The following LCOR variants were observed in gnomAD, a reference collection of about 807,000 sequenced individuals.
LCOR encodes ligand dependent nuclear receptor corepressor, also known as ligand-dependent corepressor.
Under a neutral mutation model 64.4 loss-of-function variants are expected in LCOR, and 14 were observed. The observed-to-expected ratio is 0.22, with a 90% CI of 0.14 to 0.34. The LOEUF is 0.34. Among genes scored for constraint, LCOR ranks in the 10% least tolerant of loss-of-function variants. The probability of loss-of-function intolerance (pLI) is 1.00; values close to 1 mark genes in which losing one functional copy is unlikely to be tolerated. For missense variants in LCOR, 1,686 were observed against 1,765.3 expected (o/e 0.96, Z 0.80); for synonymous variants, 643 against 642.5 (o/e 1.00, Z -0.01).
intron 7 of LCOR, chr10:96,955,086 T>C: frequency 6.2e-7 from 1 of 1,614,128 alleles, no homozygotes. Context: ...ACTGGCTCGA[T>C]CCCTGCAGAT....
rs543702599 is a variant in LCOR, at chr10:96,938,721, A to G, written c.-183-5392A>G. 2.6e-5 allele frequency among the ~76,000 whole-genome samples: 4 copies of G among 152,328 alleles called. No homozygotes were observed. In the South Asian group the frequency reaches 8.3e-4, roughly 32 times the overall value. Reference sequence around the variant, plus strand: ...GTCATTAAAAAAAAATAATAATTGTATTGCTATACACTAGCAGTGAACAAT... The same window carrying G: ...GTCATTAAAAAAAAATAATAATTGTGTTGCTATACACTAGCAGTGAACAAT... On this transcript the variant is annotated intron_variant, in intron 4 of 7. Coordinates refer to ENST00000421806, the MANE Select transcript of LCOR (RefSeq NM_001346516.2).
At chr10:96,869,330 A>G (rs578222251) in intron 2 of LCOR, among the ~76,000 whole-genome samples, 1 of 152,156 alleles carries the variant, frequency 6.6e-6, no homozygotes, top group South Asian at 2.1e-4. Flanking sequence ...CTTGTGCCTC[A>G]GCCTCCTGAG....
intron 2 of LCOR, among the ~76,000 whole-genome samples, chr10:96,837,680 C>T (rs1444570878): frequency 3.9e-5 from 6 of 152,118 alleles, no homozygotes; most frequent in African/African-American, 1.2e-4. Flanking sequence ...TTTGGAATAC[C>T]TTTAGGATTG....
At chr10:96,977,547 T>A (rs1326554557) in intron 7 of LCOR, among the ~76,000 whole-genome samples, 1 of 152,192 alleles carries the variant, frequency 6.6e-6, no homozygotes, top group Non-Finnish European at 1.5e-5. Flanking sequence ...TCAAAAAAAA[T>A]TTGAATCTTT....
intron 2 of LCOR, among the ~76,000 whole-genome samples, chr10:96,877,719 C>T (rs1000335295): frequency 4.9e-5 from 7 of 143,588 alleles, no homozygotes; most frequent in African/African-American, 1.8e-4. Flanking sequence ...TCACGCCATT[C>T]TCCTGCCTCA....
At chr10:96,850,217 A>G (rs1589604529) in intron 2 of LCOR, among the ~76,000 whole-genome samples, 1 of 152,340 alleles carries the variant, frequency 6.6e-6, no homozygotes, top group South Asian at 2.1e-4. Context: ...TCAGCATCAC[A>G]GTGAACACAT....
chr10:96,922,604 A>G (rs947356306), intron 4 of LCOR, among the ~76,000 whole-genome samples: 2 of 152,192 alleles, frequency 1.3e-5, no homozygotes, highest in East Asian at 3.8e-4. Flanking sequence ...GAGCATGAAT[A>G]TTGGGAGTAG....
At chr10:96,941,025 AC>A (rs552563856) in intron 4 of LCOR, among the ~76,000 whole-genome samples, 1 of 70,636 alleles carries the variant, frequency 1.4e-5, no homozygotes, top group Non-Finnish European at 2.7e-5. Context: ...CGGGGGGCTG[AC>A]CCCCCCACCT....
At chr10:96,957,276 A>C (rs1847799891) in intron 7 of LCOR, 1 of 985,030 alleles carries the variant, frequency 1.0e-6, no homozygotes, top group Admixed American at 6.2e-5. Flanking sequence ...GCTGATATTC[A>C]TGGTTGTTTA....
intron 7 of LCOR, chr10:96,958,271 A>G: frequency 7.5e-7 from 1 of 1,337,904 alleles, no homozygotes; most frequent in Non-Finnish European, 9.6e-7. Context: ...CAACTTTTGT[A>G]GAGTTTATTG....
At chr10:96,922,460 T>C (rs1162878899) in intron 4 of LCOR, among the ~76,000 whole-genome samples, 1 of 152,216 alleles carries the variant, frequency 6.6e-6, no homozygotes, top group African/African-American at 2.4e-5. Flanking sequence ...ATGGCAAAAT[T>C]ACTCTCAACC....
intron 2 of LCOR, among the ~76,000 whole-genome samples, chr10:96,875,271 C>G (rs766367420): frequency 6.6e-6 from 1 of 151,906 alleles, no homozygotes; most frequent in Non-Finnish European, 1.5e-5. Context: ...GTTGTCCCAG[C>G]TACTCGTGAG....
At chr10:96,951,082 C>CT (rs1263036079) in intron 6 of LCOR, among the ~76,000 whole-genome samples, 1 of 152,028 alleles carries the variant, frequency 6.6e-6, no homozygotes, top group Non-Finnish European at 1.5e-5. Context: ...AGCTTCTACT[C>CT]TGGGGTGATT....
rs1564595444 is a variant in LCOR at position 96,833,447 on chromosome 10, G to A, written c.-362G>A. On this transcript the variant is annotated 5_prime_UTR_variant, in exon 2 of 8. Transcript: ENST00000421806. ...TGCGGCGGCCGGCGGGACCATAAGG[G>A]CTTAACTCATATATTTAACCCCCCT... The A allele has an allele frequency of 1.0e-6, 1 of 986,018 alleles. No individual in the cohort carries two copies. Among genetic ancestry groups the A allele is most frequent in the Admixed American group, 6.1e-5 (1 of 16,274 alleles). The allele number at this position is 986,018 out of a possible 1,614,324, so 61.1% of individuals were successfully genotyped here.
intron 7 of LCOR, chr10:96,960,544 T>C (rs572767829): frequency 2.0e-5 from 3 of 152,196 alleles, no homozygotes; most frequent in Non-Finnish European, 4.4e-5. Context: ...AATATGGCAA[T>C]AGACAGAATT....
At chr10:96,861,327 A>C (rs574086453) in intron 2 of LCOR, among the ~76,000 whole-genome samples, 7 of 152,350 alleles carry the variant, frequency 4.6e-5, no homozygotes, top group Admixed American at 2.0e-4. Flanking sequence ...CGTAGTGATG[A>C]ATGCAGTAAG....
In LCOR at chr10:96,983,709, A is replaced by C. The variant is rs760397249; in HGVS notation, c.3249A>C (p.Leu1083=). Residue 1083 remains leucine (L), a synonymous_variant, in exon 8 of 8, where the codon CTA becomes CTC. Transcript: ENST00000421806. This position sits in a 1 kb window ranked among gnomAD's most constrained non-coding sequence, Gnocchi z 4.5. ...ENGASESGDP[L]DEDDVDTVVD... Reference sequence around the variant, plus strand: ...GAGCTTCAGAGAGTGGAGACCCCCTAGATGAGGACGATGTTGACACCGTGG... The same window carrying C: ...GAGCTTCAGAGAGTGGAGACCCCCTCGATGAGGACGATGTTGACACCGTGG... The C allele has an allele frequency of 1.9e-6, 3 of 1,614,184 alleles. No individual in the cohort carries two copies. The highest frequency in any genetic ancestry group is 2.5e-6 in the Non-Finnish European group (3 of 1,180,032).
At chr10:96,893,038 A>G (rs1408916603) in intron 2 of LCOR, among the ~76,000 whole-genome samples, 4 of 152,052 alleles carry the variant, frequency 2.6e-5, no homozygotes, top group African/African-American at 9.7e-5. Context: ...CATATTTTCT[A>G]GTGTACCATT....
intron 7 of LCOR, chr10:96,956,905 A>T: frequency 1.0e-6 from 1 of 985,276 alleles, no homozygotes; most frequent in Non-Finnish European, 1.2e-6. Context: ...TTTATTGGGG[A>T]TGGGAGAAAT....
Sources: gnomAD v4.1 joint callset for allele counts (sites outside exome capture counted in the v4.1 genomes callset) on GRCh38, gnomAD v4.1.1 for gene constraint, Gnocchi (gnomAD v3.1) non-coding constraint, MANE v1.5 for transcripts, NCBI Gene and HGNC (gene_info 2026-07-23, HGNC 2026-07-21) for gene names.